The following GABRG3 variants were observed in gnomAD, a reference collection of about 807,000 sequenced individuals.
GABRG3 encodes the protein gamma-aminobutyric acid receptor subunit gamma-3.
Under a neutral mutation model 48.8 loss-of-function variants are expected in GABRG3, and 25 were observed. The observed-to-expected ratio is 0.51, with a 90% confidence interval of 0.37 to 0.72. The LOEUF is 0.72. Among genes scored for constraint, GABRG3 ranks in the 30% least tolerant of loss-of-function variants. GABRG3 has a pLI of 0.00. For synonymous variants in GABRG3, 227 were observed against 217.6 expected, an observed-to-expected ratio of 1.04 and a Z score of -0.38; for missense variants, 394 against 577.9, an observed-to-expected ratio of 0.68 and a Z score of 3.26.
At chr15:27,445,052 TA>T (rs1888902924) in intron 5 of GABRG3, among the ~76,000 whole-genome samples, 1 of 152,154 alleles carries the variant, frequency 6.6e-6, no homozygotes, top group African/African-American at 2.4e-5. Context: ...TTTGTATTTT[TA>T]GTAGAGATGA....
At chr15:27,488,513 G>A (rs888846326) in intron 6 of GABRG3, among the ~76,000 whole-genome samples, 9 of 152,128 alleles carry the variant, frequency 5.9e-5, no homozygotes, top group African/African-American at 2.2e-4. Flanking sequence ...TCTAGTGCCG[G>A]CCTCAGAGAT....
intron 7 of GABRG3, among the ~76,000 whole-genome samples, chr15:27,524,358 C>A: frequency 6.6e-6 from 1 of 151,642 alleles, no homozygotes. Flanking sequence ...GCAGATGTCC[C>A]CTAAAATGAT....
In GABRG3 at chr15:27,541,584, C is replaced by T. The variant is rs963987083; in HGVS notation, c.*8703C>T. 2 of 152,294 alleles carry T rather than the reference C, an allele frequency of 1.3e-5. No homozygotes were observed. Among genetic ancestry groups the T allele is most frequent in the Admixed American group, 6.5e-5 (1 of 15,294 alleles). The allele number at this position is 152,294 out of a possible 1,614,324, so 9.4% of individuals were successfully genotyped here. A position where few individuals can be genotyped will look rare whatever the true frequency, so the allele number is the denominator to read the frequency against. Reference sequence around the variant, plus strand: ...TCATCTTAGAGCACCGGTGTGGATGCGCTTGGCCCCGAGGGGGCCGCGCCC... The same window carrying T: ...TCATCTTAGAGCACCGGTGTGGATGTGCTTGGCCCCGAGGGGGCCGCGCCC... On this transcript the variant is annotated 3_prime_UTR_variant, in exon 10 of 10. Coordinates refer to ENST00000615808, the MANE Select transcript of GABRG3 (RefSeq NM_033223.5).
At chr15:27,019,431 G>A (rs867670985) in intron 2 of GABRG3, among the ~76,000 whole-genome samples, 2 of 152,058 alleles carry the variant, frequency 1.3e-5, no homozygotes, top group South Asian at 2.1e-4. Context: ...GTGGAACCCC[G>A]GATTCTCTGC....
chr15:27,100,018 C>A (rs1897329043), intron 3 of GABRG3, among the ~76,000 whole-genome samples: 1 of 152,022 alleles, frequency 6.6e-6, no homozygotes, highest in African/African-American at 2.4e-5. Flanking sequence ...AGTTCGAGAC[C>A]AGCCTGGCCA....
At chr15:27,088,657 A>C (rs143641562) in intron 3 of GABRG3, among the ~76,000 whole-genome samples, 1 of 152,040 alleles carries the variant, frequency 6.6e-6, no homozygotes. Flanking sequence ...CTTCTTCGTC[A>C]CGTGGCCAGG....
intron 5 of GABRG3, among the ~76,000 whole-genome samples, chr15:27,344,962 T>A (rs1894316852): frequency 6.6e-6 from 1 of 152,206 alleles, no homozygotes; most frequent in Non-Finnish European, 1.5e-5. Flanking sequence ...TATCTATTCT[T>A]GACAAACCTC....
Position 27,128,717 on chromosome 15 carries a change from C to T in GABRG3, c.270+101896C>T, listed in dbSNP as rs186794322. On this transcript the variant is annotated intron_variant, in intron 3 of 9. Coordinates refer to ENST00000615808, the MANE Select transcript of GABRG3 (RefSeq NM_033223.5). ...GAAGGCAGAGATAGAAAGCCGAGTC[C>T]AGAACTGAAATGACTTATTCGCAGA... Among the ~76,000 whole-genome samples, 72 of 152,328 alleles carry T rather than the reference C, an allele frequency of 4.7e-4. 1 individual carries two copies. Among genetic ancestry groups the T allele is most frequent in the Admixed American group, 4.4e-3 (68 of 15,304 alleles).
intron 6 of GABRG3, among the ~76,000 whole-genome samples, chr15:27,485,735 G>A (rs1309524695): frequency 6.6e-6 from 1 of 152,046 alleles, no homozygotes; most frequent in African/African-American, 2.4e-5. Flanking sequence ...ACAGGTATCT[G>A]ACTTTTTACC....
At chr15:27,191,811 T>A (rs982419283) in intron 3 of GABRG3, among the ~76,000 whole-genome samples, 1 of 152,186 alleles carries the variant, frequency 6.6e-6, no homozygotes, top group African/African-American at 2.4e-5. Context: ...ATGCAGTTTC[T>A]TCCTAGTCTC....
At chr15:27,156,497 T>C (rs1187996366) in intron 3 of GABRG3, among the ~76,000 whole-genome samples, 2 of 152,056 alleles carry the variant, frequency 1.3e-5, no homozygotes, top group Non-Finnish European at 2.9e-5. Flanking sequence ...CCCAAGATAC[T>C]CGCTACCATG....
At chr15:27,345,545 C>G (rs1380598476) in intron 5 of GABRG3, among the ~76,000 whole-genome samples, 2 of 152,152 alleles carry the variant, frequency 1.3e-5, no homozygotes, top group African/African-American at 2.4e-5. Context: ...TATAATCACA[C>G]TGTTATAATT....
At chr15:27,531,003 C>T (rs1177920806) in intron 9 of GABRG3, 2 of 274,442 alleles carry the variant, frequency 7.3e-6, no homozygotes, top group Non-Finnish European at 1.5e-5. Flanking sequence ...AAATGCTTGG[C>T]GATGTTTACA....
At chr15:27,521,259 G>A (rs572616606) in intron 7 of GABRG3, among the ~76,000 whole-genome samples, 3 of 152,180 alleles carry the variant, frequency 2.0e-5, no homozygotes, top group Admixed American at 6.5e-5. Flanking sequence ...GAAGAATTGA[G>A]GAACTTTATT....
chr15:27,447,357 G>A lies in GABRG3; in HGVS notation c.575-33293G>A, dbSNP rs1399723722. On this transcript the variant is annotated intron_variant, in intron 5 of 9. Coordinates refer to ENST00000615808, the MANE Select transcript of GABRG3 (RefSeq NM_033223.5). The surrounding 1 kb of genome is among the most constrained non-coding windows in gnomAD (Gnocchi z 4.0). Reference sequence around the variant, plus strand: ...ACATACTCACAGGCCTGGTGGCCTCGCTTAGCAAGGGGACATTTATGCTAT... The same window carrying A: ...ACATACTCACAGGCCTGGTGGCCTCACTTAGCAAGGGGACATTTATGCTAT... Among the ~76,000 whole-genome samples, 1 of 152,186 alleles carries A rather than the reference G, an allele frequency of 6.6e-6. No individual in the cohort carries two copies. The highest frequency in any genetic ancestry group is 1.5e-5 in the Non-Finnish European group (1 of 68,034).
rs1389677761 is a variant in GABRG3 at position 27,066,421 on chromosome 15, CAAGA to C, written c.270+39605_270+39608del. On this transcript the variant is annotated intron_variant, in intron 3 of 9. Transcript: ENST00000615808. ...AAGACTGGCTGGTCCAAACCTGAGA[CAAGA>C]AAGAGCTCCTAACATTAGAAACAAT... Among the ~76,000 whole-genome samples the C allele has an allele frequency of 2.8e-4, 42 of 152,224 alleles. No homozygotes were observed. The East Asian group carries it at 7.0e-3, about 25-fold the overall frequency.
chr15:27,437,338 A>G (rs1888650674), intron 5 of GABRG3, among the ~76,000 whole-genome samples: 1 of 152,238 alleles, frequency 6.6e-6, no homozygotes, highest in African/African-American at 2.4e-5. Context: ...GAGTAAAATT[A>G]AATTTTATTT....
chr15:27,220,903 G>A lies in GABRG3; in HGVS notation c.271-105906G>A, dbSNP rs192792971. 3.0e-4 allele frequency among the ~76,000 whole-genome samples: 46 copies of A among 152,124 alleles called. No homozygotes were observed. In the South Asian group the frequency reaches 3.7e-3, roughly 12 times the overall value. ...TCTTCATTAGCTGTAATCAGTAATC[G>A]CAGATCAAGTATTCAGTTCGATCTT... On this transcript the variant is annotated intron_variant, in intron 3 of 9. Coordinates refer to ENST00000615808, the MANE Select transcript of GABRG3 (RefSeq NM_033223.5).
In GABRG3 at chr15:27,016,477, A is replaced by T. The variant is rs147722004; in HGVS notation, c.203-10277A>T. On this transcript the variant is annotated intron_variant, in intron 2 of 9. Transcript: ENST00000615808. ...TGCTGAGAAATGAGGTTATAATCTAATACAAGCTCCCTTGTACATGATAAG... is the reference window on the plus strand; with the variant it reads ...TGCTGAGAAATGAGGTTATAATCTATTACAAGCTCCCTTGTACATGATAAG... Among the ~76,000 whole-genome samples the T allele has an allele frequency of 9.9e-5, 15 of 152,246 alleles. No homozygotes were observed. In the East Asian group the frequency reaches 2.9e-3, roughly 29 times the overall value.
Sources: gnomAD v4.1 joint callset for allele counts (sites outside exome capture counted in the v4.1 genomes callset) on GRCh38, gnomAD v4.1.1 for gene constraint, Gnocchi (gnomAD v3.1) non-coding constraint, MANE v1.5 for transcripts, NCBI Gene and HGNC (gene_info 2026-07-23, HGNC 2026-07-21) for gene names.